Variants in ATG10 observed in about 807,000 individuals in gnomAD.
The protein encoded by ATG10 is autophagy related 10.
ATG10 carries 30 observed loss-of-function variants against 32.1 expected under a neutral mutation model. The ratio of observed to expected loss-of-function variants is 0.94; its 90% CI spans 0.70 to 1.27. The LOEUF (loss-of-function observed/expected upper bound fraction) is 1.27. Ranked by LOEUF, ATG10 falls within the 50% of genes most tolerant of loss-of-function variation. ATG10 has a pLI of 0.00. For synonymous variants in ATG10, 87 were observed against 91.5 expected, an observed-to-expected ratio of 0.95 and a Z score of 0.28; for missense variants, 233 against 262.3, an observed-to-expected ratio of 0.89 and a Z score of 0.77.
chr5:82,195,402 G>A (rs1308246536), intron 5 of ATG10, among the ~76,000 whole-genome samples: 2 of 152,154 alleles, frequency 1.3e-5, no homozygotes, highest in Non-Finnish European at 2.9e-5. Flanking sequence ...AAAGACACTG[G>A]TGACTGTCTG....
At chr5:82,193,625 C>G (rs915551041) in intron 5 of ATG10, among the ~76,000 whole-genome samples, 1 of 152,154 alleles carries the variant, frequency 6.6e-6, no homozygotes, top group African/African-American at 2.4e-5. Context: ...TTCATGCGAT[C>G]AAATTAATTG....
At chr5:82,228,300 A>G (rs1581827443) in intron 5 of ATG10, among the ~76,000 whole-genome samples, 1 of 152,176 alleles carries the variant, frequency 6.6e-6, no homozygotes, top group South Asian at 2.1e-4. Context: ...ATTTTACTTT[A>G]TATATTTGCT....
chr5:82,084,904 TAGGAA>T (rs1764615729), intron 3 of ATG10, among the ~76,000 whole-genome samples: 1 of 152,134 alleles, frequency 6.6e-6, no homozygotes, highest in Non-Finnish European at 1.5e-5. Flanking sequence ...CCATCAATGC[TAGGAA>T]GAAACTGCAT....
chr5:81,977,314 C>A (rs1180274236), intron 1 of ATG10, among the ~76,000 whole-genome samples: 1 of 152,188 alleles, frequency 6.6e-6, no homozygotes. Flanking sequence ...TAATTCCTTA[C>A]CTACTTCCCA....
At chr5:82,125,288 T>C (rs1766220108) in intron 3 of ATG10, among the ~76,000 whole-genome samples, 1 of 152,220 alleles carries the variant, frequency 6.6e-6, no homozygotes, top group Non-Finnish European at 1.5e-5. Flanking sequence ...CTCTTTAGTT[T>C]AATTAGATCC....
intron 2 of ATG10, among the ~76,000 whole-genome samples, chr5:82,041,778 C>T (rs1373038160): frequency 6.6e-6 from 1 of 151,912 alleles, no homozygotes; most frequent in African/African-American, 2.4e-5. Context: ...TCTCACAGCT[C>T]ACTATGCTCT....
intron 2 of ATG10, among the ~76,000 whole-genome samples, chr5:82,042,607 A>C (rs1763118791): frequency 6.6e-6 from 1 of 152,220 alleles, no homozygotes; most frequent in South Asian, 2.1e-4. Context: ...AGCTTGTAAA[A>C]TAAAAAACTA....
chr5:82,145,087 A>G (rs768937462), intron 3 of ATG10, among the ~76,000 whole-genome samples: 2 of 151,878 alleles, frequency 1.3e-5, no homozygotes, highest in African/African-American at 2.4e-5. Context: ...TTTATCTGAT[A>G]TTATATCTAC....
In ATG10 at chr5:82,136,321, C is replaced by T. The variant is rs571232934; in HGVS notation, c.217-28078C>T. Among the ~76,000 whole-genome samples the T allele has an allele frequency of 1.2e-3, 189 of 152,150 alleles. 1 individual carries two copies. The highest frequency in any genetic ancestry group is 1.5e-3 in the South Asian group (7 of 4,810). On this transcript the variant is annotated intron_variant, in intron 3 of 7. Transcript: ENST00000282185. ...AGTTCATGCAGTTTCTTCATAGTGT[C>T]GACGGTCTTTACAATTTGATATGTT... is the stretch of plus-strand genomic sequence containing the variant.
chr5:82,178,304 T>C (rs1463118734), intron 4 of ATG10, among the ~76,000 whole-genome samples, 186 bp from the exon 5 acceptor site: 1 of 152,182 alleles, frequency 6.6e-6, no homozygotes, highest in Non-Finnish European at 1.5e-5. Context: ...GCTGAGAAGC[T>C]TGAATGTTTA....
At chr5:82,066,543 G>A (rs1763947017) in intron 3 of ATG10, among the ~76,000 whole-genome samples, 1 of 152,126 alleles carries the variant, frequency 6.6e-6, no homozygotes, top group Non-Finnish European at 1.5e-5. Flanking sequence ...CACTAACTGG[G>A]ATTTTCCTTA....
At chr5:81,989,701 C>T (rs1761399454) in intron 2 of ATG10, among the ~76,000 whole-genome samples, 2 of 151,958 alleles carry the variant, frequency 1.3e-5, no homozygotes, top group African/African-American at 4.8e-5. Flanking sequence ...CGGGTTCAGC[C>T]ATTCTCCTGC....
intron 3 of ATG10, among the ~76,000 whole-genome samples, chr5:82,077,524 A>G (rs1446610061): frequency 6.6e-6 from 1 of 151,844 alleles, no homozygotes; most frequent in Non-Finnish European, 1.5e-5. Flanking sequence ...TGTATTGCTT[A>G]TTTTTTTGTA....
rs1747386982 is a variant in ATG10, at chr5:82,254,533, T to G, written c.*470T>G. 7.7e-6 allele frequency: 1 copy of G among 129,456 alleles called. No homozygotes were observed. The highest frequency in any genetic ancestry group is 1.5e-5 in the Non-Finnish European group (1 of 65,214). 8.0% of individuals were successfully genotyped at this position (129,456 alleles called of 1,614,324 possible). A position where few individuals can be genotyped will look rare whatever the true frequency, so the allele number is the denominator to read the frequency against. On this transcript the variant is annotated 3_prime_UTR_variant, in exon 8 of 8. Coordinates refer to ENST00000282185, the MANE Select transcript of ATG10 (RefSeq NM_031482.5). ...GAGACTGTGCCACTGCAGTCCAGCC[T>G]GGGTGACAGAGCCAGACACTGTCTC...
chr5:82,178,654 G>C, intron 5 of ATG10, 67 bp downstream of exon 5: 1 of 1,029,230 alleles, frequency 9.7e-7, no homozygotes, highest in South Asian at 1.3e-5. Context: ...CATCTTTTCT[G>C]CTAGTTCCCT....
intron 2 of ATG10, among the ~76,000 whole-genome samples, chr5:81,993,360 C>CTTTCTTTCTTTCCTTCCTTCT: frequency 2.1e-5 from 1 of 46,772 alleles, no homozygotes; most frequent in African/African-American, 9.1e-5. Context: ...TCTTTCTTTC[C>CTTTCTTTCTTTCCTTCCTTCT]TTCTTTTCTT....
intron 4 of ATG10, among the ~76,000 whole-genome samples, chr5:82,177,657 A>T (rs747021895): frequency 6.6e-6 from 1 of 151,926 alleles, no homozygotes; most frequent in Non-Finnish European, 1.5e-5. Context: ...TTAGATACCT[A>T]TTTTTCCACT....
Position 82,178,592 on chromosome 5 carries a change from G to C in ATG10, c.453+5G>C, listed in dbSNP as rs1303120650. ...TGGGACACTATTACGCAACAGGTTGGAGAGTATTGTCATTTTATTGTATGC... is the reference window on the plus strand; with the variant it reads ...TGGGACACTATTACGCAACAGGTTGCAGAGTATTGTCATTTTATTGTATGC... On this transcript the variant is annotated splice_donor_5th_base_variant and intron_variant, in intron 5 of 7. Coordinates refer to ENST00000282185, the MANE Select transcript of ATG10 (RefSeq NM_031482.5). 7.6e-6 allele frequency: 12 copies of C among 1,585,278 alleles called. No individual in the cohort carries two copies. In the East Asian group the frequency reaches 2.7e-4, roughly 35 times the overall value.
intron 3 of ATG10, among the ~76,000 whole-genome samples, chr5:82,146,133 C>A (rs1183418881): frequency 1.3e-5 from 2 of 152,068 alleles, no homozygotes; most frequent in Non-Finnish European, 2.9e-5. Context: ...ATAGTACAGG[C>A]CTGGTGGTAA....
Sources: allele counts gnomAD v4.1 joint callset (sites outside exome capture counted in the v4.1 genomes callset), GRCh38; gene constraint gnomAD v4.1.1; transcripts MANE v1.5; gene names NCBI Gene and HGNC (gene_info 2026-07-23, HGNC 2026-07-21).